The following TENM1 variants were observed in gnomAD, a reference collection of about 807,000 sequenced individuals.
The protein encoded by TENM1 is teneurin-1.
In TENM1, 35 loss-of-function variants were observed where a neutral mutation model predicts 174.8. That is an observed-to-expected ratio of 0.20 (90% CI 0.15 to 0.27). TENM1 has a LOEUF of 0.27. Among genes scored for constraint, TENM1 ranks in the 10% least tolerant of loss-of-function variants. The pLI, the probability that TENM1 is intolerant of heterozygous loss-of-function variation, is 1.00. For synonymous variants in TENM1, 781 were observed against 798.7 expected (o/e 0.98, Z 0.37); for missense variants, 1,633 against 2,130.1 (o/e 0.77, Z 4.59).
chrX:124,420,290 T>G, intron 25 of TENM1, 21 bp downstream of exon 28: 5 of 1,179,274 alleles, frequency 4.2e-6, no homozygotes, highest in East Asian at 3.0e-5. Context: ...ACAAAGCCCA[T>G]GTCAAGAATT....
At chrX:125,090,830 T>C in the TENM1 span, among the ~76,000 whole-genome samples, 1 of 111,305 alleles carries the variant, frequency 9.0e-6, no homozygotes, top group Non-Finnish European at 1.9e-5. Context: ...ACACAAATAC[T>C]TGCATAGACC....
intron 1 of TENM1, among the ~76,000 whole-genome samples, chrX:124,942,905 G>C (rs1263877284): frequency 9.0e-6 from 1 of 111,644 alleles, no homozygotes; most frequent in Non-Finnish European, 1.9e-5. Context: ...TCAGAAACGA[G>C]CATTTCAGTT....
intron 3 of TENM1, among the ~76,000 whole-genome samples, chrX:124,811,523 G>T (rs1051553275): frequency 1.8e-5 from 2 of 111,544 alleles, no homozygotes; most frequent in Admixed American, 9.5e-5. Flanking sequence ...AACGAGTGTT[G>T]GCAAGGACGT....
intron 11 of TENM1, among the ~76,000 whole-genome samples, chrX:124,613,928 C>T (rs1024527746): frequency 7.2e-5 from 8 of 111,566 alleles, no homozygotes; most frequent in East Asian, 2.8e-4. Context: ...AAGACTACTC[C>T]GTGGGAAGCT....
At chrX:125,033,900 A>G in the TENM1 span, among the ~76,000 whole-genome samples, 5 of 112,148 alleles carry the variant, frequency 4.5e-5, no homozygotes, top group East Asian at 1.4e-3. Context: ...TATTTTTATT[A>G]CACATGTAAA....
chrX:124,582,713 G>A (rs986601501), intron 11 of TENM1, among the ~76,000 whole-genome samples: 4 of 111,757 alleles, frequency 3.6e-5, no homozygotes, highest in Non-Finnish European at 5.6e-5. Context: ...CACCGTGTGC[G>A]AGCTGAAGCA....
intron 6 of TENM1, among the ~76,000 whole-genome samples, chrX:124,669,633 C>T (rs1338505788): frequency 1.8e-5 from 2 of 110,334 alleles, no homozygotes; most frequent in Non-Finnish European, 3.8e-5. Flanking sequence ...CCATGATGTG[C>T]AGTTATAGTT....
At chrX:124,942,814 G>A (rs1157276592) in intron 1 of TENM1, among the ~76,000 whole-genome samples, 1 of 111,085 alleles carries the variant, frequency 9.0e-6, no homozygotes, top group Non-Finnish European at 1.9e-5. Flanking sequence ...CATATCGCCA[G>A]TTTTATTATT....
chrX:124,520,911 G>A (rs994070971), intron 17 of TENM1, 127 bp from the exon 21 acceptor site: 3 of 602,281 alleles, frequency 5.0e-6, no homozygotes, highest in East Asian at 7.2e-5. Context: ...GTCTAAGGAC[G>A]TCAAGGCATT....
the TENM1 span, among the ~76,000 whole-genome samples, chrX:125,008,237 C>T: frequency 4.1e-3 from 421 of 103,253 alleles, 4 homozygotes; most frequent in African/African-American, 0.015. Flanking sequence ...CAATCCTAGT[C>T]TCTAATAAAA....
At chrX:125,036,383 CA>C in the TENM1 span, among the ~76,000 whole-genome samples, 1 of 111,982 alleles carries the variant, frequency 8.9e-6, no homozygotes, top group Non-Finnish European at 1.9e-5. Flanking sequence ...CGAGAATTAA[CA>C]ACACACTTAC....
intron 3 of TENM1, among the ~76,000 whole-genome samples, chrX:124,840,346 A>G (rs2056472981): frequency 1.8e-5 from 2 of 111,809 alleles, no homozygotes; most frequent in South Asian, 7.4e-4. Flanking sequence ...ATATAATTTT[A>G]AAGTATTGAT....
chrX:124,513,967 T>C (rs1198121637), intron 18 of TENM1, among the ~76,000 whole-genome samples: 1 of 111,428 alleles, frequency 9.0e-6, no homozygotes, highest in East Asian at 2.8e-4. Context: ...AAAATGGAGA[T>C]GAGTGGATTC....
intron 3 of TENM1, among the ~76,000 whole-genome samples, chrX:124,747,590 C>T (rs1221707993): frequency 3.8e-5 from 4 of 106,606 alleles, no homozygotes; most frequent in African/African-American, 1.4e-4. Flanking sequence ...CAATTTAGTT[C>T]TTCGTTAAGC....
At chrX:124,524,331 T>A (rs2148053801) in intron 16 of TENM1, among the ~76,000 whole-genome samples, 1 of 112,236 alleles carries the variant, frequency 8.9e-6, no homozygotes, top group East Asian at 2.8e-4. Context: ...GCATTATTCA[T>A]TTTCCAAAAA....
intron 3 of TENM1, among the ~76,000 whole-genome samples, chrX:124,880,668 T>C (rs1039474383): frequency 9.8e-5 from 11 of 111,687 alleles, no homozygotes; most frequent in Non-Finnish European, 1.7e-4. Flanking sequence ...GTCTGTCATA[T>C]ATAACCTTTA....
chrX:124,989,695 A>G, the TENM1 span, among the ~76,000 whole-genome samples: 1 of 109,434 alleles, frequency 9.1e-6, no homozygotes, highest in East Asian at 2.8e-4. Context: ...AAATGGAAGC[A>G]GTTTCAAAAA....
intron 3 of TENM1, among the ~76,000 whole-genome samples, chrX:124,854,373 G>A (rs2056777380): frequency 9.0e-6 from 1 of 110,873 alleles, no homozygotes; most frequent in Admixed American, 9.6e-5. Context: ...GGAGGTGGGT[G>A]AAGGATAAAA....
At chrX:124,949,691 C>A (rs1012494793) in intron 1 of TENM1, among the ~76,000 whole-genome samples, 5 of 111,823 alleles carry the variant, frequency 4.5e-5, no homozygotes, top group African/African-American at 1.6e-4. Context: ...ATTGTTCCTT[C>A]CCCTAGAGGG....
Sources: gnomAD v4.1 joint callset for allele counts (sites outside exome capture counted in the v4.1 genomes callset) on GRCh38, gnomAD v4.1.1 for gene constraint, MANE v1.5 for transcripts, NCBI Gene and HGNC (gene_info 2026-07-23, HGNC 2026-07-21) for gene names.